Variants in MSH3 observed in about 807,000 individuals in gnomAD.
The protein encoded by MSH3 is DNA mismatch repair protein Msh3.
In MSH3, 106 loss-of-function variants were observed where a neutral mutation model predicts 123.3. That is an observed-to-expected ratio of 0.86 (90% CI 0.73 to 1.01). MSH3 has a LOEUF of 1.01. Ranked by LOEUF, MSH3 falls within the 50% of genes least tolerant of loss-of-function variation. The pLI, the probability that MSH3 is intolerant of heterozygous loss-of-function variation, is 0.00. For synonymous variants in MSH3, 515 were observed against 481.4 expected, an observed-to-expected ratio of 1.07 and a Z score of -0.91; for missense variants, 1,459 against 1,347.6, an observed-to-expected ratio of 1.08 and a Z score of -1.29.
Position 80,741,471 on chromosome 5 carries a change from A to G in MSH3, c.1576A>G (p.Lys526Glu). The G allele has an allele frequency of 6.4e-7, 1 of 1,574,468 alleles. No homozygotes were observed. Among genetic ancestry groups the G allele is most frequent in the East Asian group, 2.2e-5 (1 of 44,648 alleles). ...EKMLSKPENF[K>E]QLSSKMEFMT... ...TATTTGATTCTTTTACAGGAATTTT[A>G]AACAGCTATCAAGTAAAATGGAATT... Residue 526 changes from lysine (K) to glutamate (E), a missense_variant, in exon 11 of 24, where the codon AAA (lysine) becomes GAA (glutamate). By Grantham distance (56) the Lys-to-Glu change is moderately conservative. Coordinates refer to ENST00000265081, the MANE Select transcript of MSH3 (RefSeq NM_002439.5).
chr5:80,676,283 G>A (rs555687592), intron 7 of MSH3, among the ~76,000 whole-genome samples: 5 of 152,042 alleles, frequency 3.3e-5, no homozygotes, highest in Middle Eastern at 3.4e-3. Flanking sequence ...AGCCCACCTC[G>A]GCCTCCCAAA....
chr5:80,735,424 C>T (rs993894143), intron 10 of MSH3, among the ~76,000 whole-genome samples: 9 of 149,636 alleles, frequency 6.0e-5, no homozygotes, highest in East Asian at 2.0e-4. Flanking sequence ...AGTGGCTCAA[C>T]GCCTGTAATC....
chr5:80,790,356 G>C (rs1744587169), intron 18 of MSH3, among the ~76,000 whole-genome samples: 1 of 152,058 alleles, frequency 6.6e-6, no homozygotes, highest in Non-Finnish European at 1.5e-5. Flanking sequence ...CAAAGACGAA[G>C]TTTACTTTTT....
chr5:80,713,071 A>G (rs1228879320), intron 8 of MSH3, among the ~76,000 whole-genome samples: 1 of 152,144 alleles, frequency 6.6e-6, no homozygotes, highest in Admixed American at 6.5e-5. Flanking sequence ...TTCCCAGAGG[A>G]TACTGTCCAC....
chr5:80,808,354 C>G (rs1441724903), intron 19 of MSH3, among the ~76,000 whole-genome samples: 4 of 152,112 alleles, frequency 2.6e-5, no homozygotes, highest in South Asian at 2.1e-4. Context: ...TCTGGGACCT[C>G]CAGGAAAATG....
At chr5:80,702,993 CAG>C (rs1194048969) in intron 8 of MSH3, among the ~76,000 whole-genome samples, 3 of 152,168 alleles carry the variant, frequency 2.0e-5, no homozygotes, top group Non-Finnish European at 4.4e-5. Context: ...CCCTGGGCGA[CAG>C]AGCGAGACAA....
At chr5:80,721,235 T>G (rs915877115) in intron 8 of MSH3, among the ~76,000 whole-genome samples, 3 of 152,244 alleles carry the variant, frequency 2.0e-5, no homozygotes, top group Non-Finnish European at 4.4e-5. Flanking sequence ...GGCTCTGTTC[T>G]GTAGTACTTT....
At chr5:80,675,213 A>G (rs1432292957) in intron 7 of MSH3, 85 bp downstream of exon 7, 8 of 1,396,788 alleles carry the variant, frequency 5.7e-6, no homozygotes, top group Non-Finnish European at 8.1e-6. Flanking sequence ...TATAATAAGG[A>G]TATCTGATGA....
rs1744532990 is a variant in MSH3 at position 80,787,645 on chromosome 5, A to G, written c.2516A>G (p.Lys839Arg). 2 of 1,613,774 alleles carry G rather than the reference A, an allele frequency of 1.2e-6. No individual in the cohort carries two copies. The highest frequency in any genetic ancestry group is 1.7e-5 in the Admixed American group (1 of 60,016). ...GTTGACTGCATTTTCTCCCTGGCCAAGGTCGCTAAGCAAGGAGATTACTGC... is the reference window on the plus strand; with the variant it reads ...GTTGACTGCATTTTCTCCCTGGCCAGGGTCGCTAAGCAAGGAGATTACTGC... ...ATVDCIFSLAKVAKQGDYCRP... is the reference protein window; with the variant it reads ...ATVDCIFSLARVAKQGDYCRP... Residue 839 changes from lysine to arginine, a missense_variant, in exon 18 of 24, where the codon AAG becomes AGG. By Grantham distance (26) the Lys-to-Arg change is conservative (BLOSUM62 2). Coordinates refer to ENST00000265081, the MANE Select transcript of MSH3 (RefSeq NM_002439.5).
chr5:80,841,833 A>G (rs2112091603), intron 20 of MSH3, among the ~76,000 whole-genome samples: 1 of 152,066 alleles, frequency 6.6e-6, no homozygotes, highest in African/African-American at 2.4e-5. Flanking sequence ...AGATTGCAAA[A>G]TTTTTCTCCC....
Position 80,876,105 on chromosome 5 carries a change from G to A in MSH3, c.*243G>A. The A allele has an allele frequency of 6.2e-6, 3 of 486,176 alleles. No individual in the cohort carries two copies. The highest frequency in any genetic ancestry group is 6.8e-5 in the East Asian group (2 of 29,408). The allele number at this position is 486,176 out of a possible 1,614,324, so 30.1% of individuals were successfully genotyped here. ...CACTTTGTAATTAGAAAATTTTATG[G>A]ACAGTAAGTCCAGTAAAGCCTTAAG... On this transcript the variant is annotated 3_prime_UTR_variant, in exon 24 of 24. Coordinates refer to ENST00000265081, the MANE Select transcript of MSH3 (RefSeq NM_002439.5).
chr5:80,672,938 T>C, intron 6 of MSH3, 80 bp downstream of exon 6: 2 of 1,141,610 alleles, frequency 1.8e-6, no homozygotes, highest in Non-Finnish European at 2.6e-6. Context: ...GTTTGTTTGT[T>C]TTTTAGTTGC....
At chr5:80,869,845 C>CATATATATATACATATATACATATATAT (rs1430299386) in intron 22 of MSH3, among the ~76,000 whole-genome samples, 1 of 124,036 alleles carries the variant, frequency 8.1e-6, no homozygotes, top group Non-Finnish European at 1.7e-5. Context: ...TATATATACA[C>CATATATATATACATATATACATATATAT]ACACACACAC....
At chr5:80,804,844 G>A (rs1190563685) in intron 19 of MSH3, among the ~76,000 whole-genome samples, 1 of 152,004 alleles carries the variant, frequency 6.6e-6, no homozygotes, top group African/African-American at 2.4e-5. Flanking sequence ...CCAGCCTGAA[G>A]GGCTATCATT....
intron 20 of MSH3, among the ~76,000 whole-genome samples, chr5:80,819,966 A>G (rs967723194): frequency 6.6e-6 from 1 of 152,212 alleles, no homozygotes; most frequent in Non-Finnish European, 1.5e-5. Flanking sequence ...AGTAAGGGAG[A>G]TGGAGAAGCA....
At chr5:80,737,483 T>G (rs550730773) in intron 10 of MSH3, among the ~76,000 whole-genome samples, 2 of 152,342 alleles carry the variant, frequency 1.3e-5, no homozygotes, top group Admixed American at 6.5e-5. Flanking sequence ...CCATGTTATA[T>G]ATAAGATTTC....
chr5:80,751,742 C>G (rs894007277), intron 12 of MSH3, among the ~76,000 whole-genome samples: 1 of 152,064 alleles, frequency 6.6e-6, no homozygotes, highest in Non-Finnish European at 1.5e-5. Flanking sequence ...CTACAATAAC[C>G]TTATTTCCAA....
At position 80,672,770 on chromosome 5, in the gene MSH3, A is replaced by G. The variant is rs770200319; in HGVS notation, c.939A>G (p.Ala313=). 12 of 1,614,020 alleles carry G rather than the reference A, an allele frequency of 7.4e-6. No individual in the cohort carries two copies. Among genetic ancestry groups the G allele is most frequent in the Admixed American group, 1.7e-5 (1 of 60,006 alleles). ...KVGVVKQTET[A]ALKAIGDNRS... is the part of the protein sequence containing the mutation. ...GAGTTGTGAAGCAAACTGAAACTGC[A>G]GCATTAAAGGCCATTGGAGACAACA... The change falls in exon 6 of 24, where the codon GCA becomes GCG. Residue 313 remains alanine (A), a synonymous_variant. Transcript: ENST00000265081.
intron 8 of MSH3, 144 bp from the exon 9 acceptor site, chr5:80,725,309 T>G: frequency 1.6e-6 from 1 of 620,574 alleles, no homozygotes; most frequent in Non-Finnish European, 2.9e-6. Flanking sequence ...ACTTTAGCTC[T>G]TTCTTTCTCT....
Sources: gnomAD v4.1 joint callset for allele counts (sites outside exome capture counted in the v4.1 genomes callset) on GRCh38, gnomAD v4.1.1 for gene constraint, MANE v1.5 for transcripts, NCBI Gene and HGNC (gene_info 2026-07-23, HGNC 2026-07-21) for gene names.